SEMA3E: variants seen among roughly 807,000 people sequenced by gnomAD.
SEMA3E encodes semaphorin-3E.
Under a neutral mutation model 93.6 loss-of-function variants are expected in SEMA3E, and 49 were observed. That is an observed-to-expected ratio of 0.52 (90% confidence interval 0.42 to 0.66). The LOEUF (loss-of-function observed/expected upper bound fraction) is 0.66, where lower values mean the gene tolerates loss of function less well. Among genes scored for constraint, SEMA3E ranks in the 30% least tolerant of loss-of-function variants. SEMA3E has a pLI of 0.00. For missense variants in SEMA3E, 906 were observed against 964.8 expected, an observed-to-expected ratio of 0.94 and a Z score of 0.81; for synonymous variants, 363 against 330.7, an observed-to-expected ratio of 1.10 and a Z score of -1.06.
intron 4 of SEMA3E, among the ~76,000 whole-genome samples, chr7:83,459,278 G>C (rs1789560319): frequency 6.6e-6 from 1 of 152,196 alleles, no homozygotes; most frequent in East Asian, 1.9e-4. Flanking sequence ...AAAGCAGTTT[G>C]AGATACTGAA....
At chr7:83,600,730 A>C (rs1424514557) in intron 1 of SEMA3E, among the ~76,000 whole-genome samples, 3 of 151,982 alleles carry the variant, frequency 2.0e-5, no homozygotes, top group African/African-American at 7.2e-5. Flanking sequence ...TGTCAAACAA[A>C]GTCATCATCA....
rs547431817 is a variant in SEMA3E, at chr7:83,509,890, T to G, written c.116-19616A>C. On this transcript the variant is annotated intron_variant, in intron 1 of 16. Transcript: ENST00000643230. ...TTACTTAGTCCCTGGGTTCACAAGCTTGTAGATCAGTCACAAAGAATTGCC... is the reference window on the plus strand; with the variant it reads ...TTACTTAGTCCCTGGGTTCACAAGCGTGTAGATCAGTCACAAAGAATTGCC... Among the ~76,000 whole-genome samples the G allele has an allele frequency of 2.6e-4, 39 of 152,318 alleles. No homozygotes were observed. In the South Asian group the frequency reaches 7.7e-3, roughly 30 times the overall value.
In SEMA3E at chr7:83,385,440, C is replaced by T; in HGVS notation, c.1736-7G>A. The T allele has an allele frequency of 1.9e-6, 3 of 1,613,118 alleles. No homozygotes were observed. Among genetic ancestry groups the T allele is most frequent in the Non-Finnish European group, 2.5e-6 (3 of 1,179,312 alleles). ...GTCTTATCCAAAGCATCCCCTACAA[C>T]AGGAACATTAATGCCATCTTTGAGA... is the stretch of plus-strand genomic sequence containing the variant. On this transcript the variant is annotated splice_region_variant and splice_polypyrimidine_tract_variant and intron_variant, in intron 15 of 16. Transcript: ENST00000643230.
intron 4 of SEMA3E, among the ~76,000 whole-genome samples, chr7:83,460,718 G>A (rs1366758951): frequency 4.0e-5 from 6 of 149,816 alleles, no homozygotes; most frequent in East Asian, 2.0e-4. Flanking sequence ...TCTGCGCCCC[G>A]ACCTCTTGTA....
At chr7:83,585,728 T>A (rs1792613758) in intron 1 of SEMA3E, among the ~76,000 whole-genome samples, 1 of 152,222 alleles carries the variant, frequency 6.6e-6, no homozygotes, top group Admixed American at 6.5e-5. Flanking sequence ...AAGAGGACTT[T>A]AAGGACATCA....
intron 11 of SEMA3E, among the ~76,000 whole-genome samples, chr7:83,397,155 T>C (rs1788138927): frequency 1.3e-5 from 2 of 152,000 alleles, no homozygotes; most frequent in Non-Finnish European, 2.9e-5. Context: ...TGTTAATCAC[T>C]GTCAGTTTAA....
chr7:83,611,372 T>C (rs1000780106), intron 1 of SEMA3E, among the ~76,000 whole-genome samples: 6 of 144,220 alleles, frequency 4.2e-5, no homozygotes, highest in African/African-American at 1.5e-4. Flanking sequence ...TTATATATTA[T>C]ATATATAAAT....
rs893073457 is a variant in SEMA3E, at chr7:83,517,073, C to T, written c.116-26799G>A. 2.6e-5 allele frequency among the ~76,000 whole-genome samples: 4 copies of T among 152,014 alleles called. No homozygotes were observed. In the East Asian group the frequency reaches 7.7e-4, roughly 29 times the overall value. On this transcript the variant is annotated intron_variant, in intron 1 of 16. Coordinates refer to ENST00000643230, the MANE Select transcript of SEMA3E (RefSeq NM_012431.3). ...TGTGACTACCAAAATGAAAGAAACA[C>T]CATGCATCTTTAGTATTCCTATACC...
chr7:83,458,926 T>C (rs554330934), intron 4 of SEMA3E, among the ~76,000 whole-genome samples: 37 of 142,080 alleles, frequency 2.6e-4, no homozygotes, highest in African/African-American at 8.9e-4. Context: ...TATATATGTA[T>C]ATATGTATAT....
chr7:83,500,033 G>A (rs1036438704), intron 1 of SEMA3E, among the ~76,000 whole-genome samples: 1 of 152,162 alleles, frequency 6.6e-6, no homozygotes, highest in African/African-American at 2.4e-5. Context: ...TTTGACTAAT[G>A]AATATTTTAT....
chr7:83,611,283 AT>A (rs966669756), intron 1 of SEMA3E, among the ~76,000 whole-genome samples: 7 of 143,548 alleles, frequency 4.9e-5, no homozygotes, highest in African/African-American at 1.8e-4. Context: ...TATATATTAT[AT>A]ATTAAATTTA....
intron 1 of SEMA3E, among the ~76,000 whole-genome samples, chr7:83,537,118 G>A (rs1791424768): frequency 6.6e-6 from 1 of 151,478 alleles, no homozygotes; most frequent in South Asian, 2.1e-4. Flanking sequence ...ACAGTAAGTA[G>A]GCAGTCATCT....
chr7:83,590,810 C>T (rs1187487165), intron 1 of SEMA3E, among the ~76,000 whole-genome samples: 2 of 152,004 alleles, frequency 1.3e-5, no homozygotes, highest in Non-Finnish European at 2.9e-5. Context: ...GTGCCTGGAT[C>T]TTTAATATGA....
intron 1 of SEMA3E, among the ~76,000 whole-genome samples, chr7:83,544,174 A>G (rs1044118707): frequency 6.6e-6 from 1 of 152,062 alleles, no homozygotes; most frequent in Non-Finnish European, 1.5e-5. Flanking sequence ...TGGGTTTTTA[A>G]TGGCAGGCTT....
At chr7:83,398,202 G>C (rs1346345727) in intron 11 of SEMA3E, among the ~76,000 whole-genome samples, 1 of 152,034 alleles carries the variant, frequency 6.6e-6, no homozygotes, top group Non-Finnish European at 1.5e-5. Flanking sequence ...TGATACTTCT[G>C]AAATTCTCTG....
chr7:83,551,176 C>T (rs1362100427), intron 1 of SEMA3E, among the ~76,000 whole-genome samples: 1 of 151,996 alleles, frequency 6.6e-6, no homozygotes, highest in African/African-American at 2.4e-5. Flanking sequence ...TAAGTATACA[C>T]ACTAAAGAAA....
intron 4 of SEMA3E, among the ~76,000 whole-genome samples, chr7:83,453,421 GA>G (rs34099626): frequency 0.66 from 90,375 of 136,780 alleles, 30,733 homozygotes; most frequent in East Asian, 0.97. Flanking sequence ...TCTCCCTACT[GA>G]AAAAAAAAAA....
chr7:83,516,178 A>G lies in SEMA3E; in HGVS notation c.116-25904T>C, dbSNP rs529431992. On this transcript the variant is annotated intron_variant, in intron 1 of 16. Transcript: ENST00000643230. ...AAGTAATCCTTTTCTACTTAGTTTT[A>G]TTCATTAATTTAATATGTATTTTTA... Among the ~76,000 whole-genome samples, 7 of 152,274 alleles carry G rather than the reference A, an allele frequency of 4.6e-5. No individual in the cohort carries two copies. The South Asian group carries it at 1.5e-3, about 32-fold the overall frequency.
At chr7:83,580,135 T>C (rs1368970153) in intron 1 of SEMA3E, among the ~76,000 whole-genome samples, 1 of 152,080 alleles carries the variant, frequency 6.6e-6, no homozygotes, top group East Asian at 1.9e-4. Flanking sequence ...ATGAAGTCGA[T>C]GACATCTTAA....
Sources: gnomAD v4.1 joint callset for allele counts (sites outside exome capture counted in the v4.1 genomes callset) on GRCh38, gnomAD v4.1.1 for gene constraint, MANE v1.5 for transcripts, NCBI Gene and HGNC (gene_info 2026-07-23, HGNC 2026-07-21) for gene names.